LHFPL3: variants seen among roughly 807,000 people sequenced by gnomAD.
LHFPL3 encodes LHFPL tetraspan subfamily member 3.
Under a neutral mutation model 19.3 loss-of-function variants are expected in LHFPL3, and 5 were observed. That is an observed-to-expected ratio of 0.26 (90% CI 0.14 to 0.54). LHFPL3 has a LOEUF of 0.54. Ranked by LOEUF, LHFPL3 falls within the 20% of genes least tolerant of loss-of-function variation. LHFPL3 has a pLI of 0.94. For missense variants in LHFPL3, 249 were observed against 307.4 expected (o/e 0.81, Z 1.42); for synonymous variants, 133 against 126.2 (o/e 1.05, Z -0.36).
intron 1 of LHFPL3, among the ~76,000 whole-genome samples, chr7:104,381,031 T>A (rs1790816801): frequency 1.3e-5 from 2 of 152,138 alleles, no homozygotes; most frequent in African/African-American, 4.8e-5. Context: ...AAAACTTTTT[T>A]AAAATATCAA....
intron 1 of LHFPL3, among the ~76,000 whole-genome samples, chr7:104,505,569 GTTGTT>G (rs1317057794): frequency 6.6e-6 from 1 of 152,028 alleles, no homozygotes; most frequent in East Asian, 1.9e-4. Context: ...GGATGACTGA[GTTGTT>G]TTGTTTGATA....
chr7:104,569,103 T>C (rs1033848409), intron 1 of LHFPL3, among the ~76,000 whole-genome samples: 4 of 152,214 alleles, frequency 2.6e-5, no homozygotes, highest in African/African-American at 9.7e-5. Flanking sequence ...TAGCTCTGGA[T>C]AGATGGACAA....
chr7:104,637,733 G>T (rs1053431837), intron 1 of LHFPL3, among the ~76,000 whole-genome samples: 1 of 151,626 alleles, frequency 6.6e-6, no homozygotes, highest in East Asian at 1.9e-4. Flanking sequence ...CTGTTTCATT[G>T]GTCTATGTGT....
At chr7:104,590,712 G>T (rs1023156908) in intron 1 of LHFPL3, among the ~76,000 whole-genome samples, 1 of 152,142 alleles carries the variant, frequency 6.6e-6, no homozygotes, top group African/African-American at 2.4e-5. Flanking sequence ...TGACAGTGGG[G>T]TGTTAAAGTC....
intron 2 of LHFPL3, among the ~76,000 whole-genome samples, chr7:104,741,930 C>T (rs1039612950): frequency 1.3e-5 from 2 of 152,148 alleles, no homozygotes; most frequent in African/African-American, 2.4e-5. Flanking sequence ...AGGATGTGTG[C>T]TATCCCTGGC....
rs1191744570 is a variant in LHFPL3 at position 104,518,834 on chromosome 7, G to GATAA, written c.445+189613_445+189614insAATA. Among the ~76,000 whole-genome samples the GATAA allele has an allele frequency of 3.7e-3, 484 of 131,690 alleles. 1 individual carries two copies. The highest frequency in any genetic ancestry group is 0.02 in the African/African-American group (455 of 22,690). The allele number at this position is 131,690 out of a possible 152,430, so 86.4% of individuals were successfully genotyped here. ...AGATAGATAGATAGATAGATAGATAGATAGATAGATAGAATAAATAAAAAA... is the reference window on the plus strand; with the variant it reads ...AGATAGATAGATAGATAGATAGATAGATAAATAGATAGATAGAATAAATAAAAAA... On this transcript the variant is annotated intron_variant, in intron 1 of 2. Coordinates refer to ENST00000424859, the MANE Select transcript of LHFPL3 (RefSeq NM_199000.3).
intron 1 of LHFPL3, among the ~76,000 whole-genome samples, chr7:104,335,902 G>C (rs1789799597): frequency 6.6e-6 from 1 of 151,238 alleles, no homozygotes; most frequent in Admixed American, 6.6e-5. Context: ...TAGAGTTCCA[G>C]TATGTGGCTC....
intron 2 of LHFPL3, among the ~76,000 whole-genome samples, chr7:104,894,252 C>T (rs983156907): frequency 2.0e-5 from 3 of 152,182 alleles, no homozygotes; most frequent in African/African-American, 7.2e-5. Flanking sequence ...TGCCCCGTAA[C>T]GGTATTTGCA....
At chr7:104,420,498 A>G (rs1791706490) in intron 1 of LHFPL3, among the ~76,000 whole-genome samples, 1 of 152,096 alleles carries the variant, frequency 6.6e-6, no homozygotes, top group Non-Finnish European at 1.5e-5. Flanking sequence ...GTGAAAATGG[A>G]AGACAGTGAT....
intron 1 of LHFPL3, among the ~76,000 whole-genome samples, chr7:104,578,971 C>T (rs1434493818): frequency 6.6e-6 from 1 of 152,110 alleles, no homozygotes; most frequent in Non-Finnish European, 1.5e-5. Flanking sequence ...TGTCATCTGG[C>T]CAAGTGTTTG....
intron 2 of LHFPL3, among the ~76,000 whole-genome samples, chr7:104,777,889 T>C (rs1794658789): frequency 6.6e-6 from 1 of 152,182 alleles, no homozygotes; most frequent in Admixed American, 6.5e-5. Flanking sequence ...GGATCTCTTG[T>C]AACTTAAGTA....
chr7:104,535,139 T>C (rs1188872047), intron 1 of LHFPL3, among the ~76,000 whole-genome samples: 2 of 152,224 alleles, frequency 1.3e-5, no homozygotes, highest in African/African-American at 4.8e-5. Context: ...GGTATACATA[T>C]TTCTCTGATT....
At chr7:104,886,513 C>G (rs1319726423) in intron 2 of LHFPL3, among the ~76,000 whole-genome samples, 3 of 152,160 alleles carry the variant, frequency 2.0e-5, no homozygotes, top group East Asian at 1.9e-4. Flanking sequence ...TACAGGCGCC[C>G]ACCACCACAC....
chr7:104,575,184 T>A (rs1790301910), intron 1 of LHFPL3, among the ~76,000 whole-genome samples: 1 of 152,146 alleles, frequency 6.6e-6, no homozygotes. Flanking sequence ...TTAGAGGGAA[T>A]CCCATTTTCT....
At chr7:104,519,863 G>A (rs1185210079) in intron 1 of LHFPL3, among the ~76,000 whole-genome samples, 1 of 152,130 alleles carries the variant, frequency 6.6e-6, no homozygotes, top group Non-Finnish European at 1.5e-5. Flanking sequence ...GTTTACAAAT[G>A]AAGAATTATA....
intron 1 of LHFPL3, among the ~76,000 whole-genome samples, chr7:104,414,366 T>C (rs1269369214): frequency 2.0e-5 from 3 of 152,178 alleles, no homozygotes; most frequent in Non-Finnish European, 4.4e-5. Context: ...AGCAATTTCT[T>C]TGTGGATTTT....
chr7:104,519,236 G>A (rs1562923503), intron 1 of LHFPL3, among the ~76,000 whole-genome samples: 1 of 152,098 alleles, frequency 6.6e-6, no homozygotes, highest in African/African-American at 2.4e-5. Context: ...TTTCAGCTAG[G>A]ATTGGGGCCT....
intron 2 of LHFPL3, chr7:104,895,372 T>G (rs1792335566): frequency 6.6e-6 from 1 of 152,234 alleles, no homozygotes; most frequent in Non-Finnish European, 1.5e-5. Context: ...CCAGATTATC[T>G]TATCAGCTAC....
chr7:104,521,890 G>A (rs1385426701), intron 1 of LHFPL3, among the ~76,000 whole-genome samples: 2 of 152,060 alleles, frequency 1.3e-5, no homozygotes, highest in Non-Finnish European at 2.9e-5. Context: ...GGAAACAACA[G>A]GTGCTGGAGA....
Sources: gnomAD v4.1 joint callset for allele counts (sites outside exome capture counted in the v4.1 genomes callset) on GRCh38, gnomAD v4.1.1 for gene constraint, MANE v1.5 for transcripts, NCBI Gene and HGNC (gene_info 2026-07-23, HGNC 2026-07-21) for gene names.